TMEM45A: variants seen among roughly 807,000 people sequenced by gnomAD.
TMEM45A encodes the protein transmembrane protein 45A.
In TMEM45A, 25 loss-of-function variants were observed where a neutral mutation model predicts 32.0. That is an observed-to-expected ratio of 0.78 (90% CI 0.57 to 1.09). The LOEUF (loss-of-function observed/expected upper bound fraction) is 1.09, where lower values mean the gene tolerates loss of function less well. TMEM45A is among the 50% of genes least tolerant of loss of function. The pLI is 0.00. For synonymous variants in TMEM45A, 122 were observed against 114.8 expected (o/e 1.06, Z -0.40); for missense variants, 302 against 325.0 (o/e 0.93, Z 0.54).
chr3:100,502,977 T>TCTC (rs1708026460), intron 1 of TMEM45A, among the ~76,000 whole-genome samples: 1 of 151,012 alleles, frequency 6.6e-6, no homozygotes, highest in Non-Finnish European at 1.5e-5. Flanking sequence ...TCCTTCTCCT[T>TCTC]CTCCTCTTCC....
intron 1 of TMEM45A, among the ~76,000 whole-genome samples, chr3:100,552,518 A>G (rs576529935): frequency 5.3e-5 from 8 of 152,312 alleles, no homozygotes; most frequent in Middle Eastern, 3.4e-3. Context: ...TTTTTTAAGG[A>G]AAGAGCCAAA....
chr3:100,524,218 G>C (rs1197927019), intron 1 of TMEM45A, among the ~76,000 whole-genome samples: 2 of 152,192 alleles, frequency 1.3e-5, no homozygotes, highest in African/African-American at 4.8e-5. Context: ...TCTCTATCCT[G>C]CTTCTTTCAT....
chr3:100,553,718 A>C (rs890808302), intron 1 of TMEM45A, among the ~76,000 whole-genome samples: 3 of 152,198 alleles, frequency 2.0e-5, no homozygotes, highest in African/African-American at 7.2e-5. Context: ...CAAGGCTTAG[A>C]AAGGTTAAGA....
rs1249591437 is a variant in TMEM45A at position 100,513,641 on chromosome 3, G to A, written c.-4+20713G>A. ...TTCTGGCCAGGGCAATTAGGCAGGA[G>A]AAGGAAATAAAGGGTATTCAATTAG... On this transcript the variant is annotated intron_variant, in intron 1 of 5. Transcript: ENST00000323523. Among the ~76,000 whole-genome samples the A allele has an allele frequency of 1.3e-4, 19 of 150,876 alleles. No individual in the cohort carries two copies. The South Asian group carries it at 4.0e-3, about 31-fold the overall frequency.
chr3:100,514,404 G>A (rs1348651001), intron 1 of TMEM45A, among the ~76,000 whole-genome samples: 1 of 152,090 alleles, frequency 6.6e-6, no homozygotes, highest in Non-Finnish European at 1.5e-5. Context: ...ATATGGTGCT[G>A]GGAAAACTGG....
chr3:100,536,740 T>A (rs965256476), intron 1 of TMEM45A, among the ~76,000 whole-genome samples: 2 of 152,152 alleles, frequency 1.3e-5, no homozygotes, highest in South Asian at 2.1e-4. Flanking sequence ...TTAAAAATGG[T>A]CTCCTTTCTC....
intron 1 of TMEM45A, among the ~76,000 whole-genome samples, chr3:100,511,268 G>A (rs927851550): frequency 4.6e-5 from 7 of 152,194 alleles, no homozygotes; most frequent in South Asian, 2.1e-4. Flanking sequence ...GACTAACAGC[G>A]GATGTCTCGG....
intron 3 of TMEM45A, 23 bp from the exon 4 acceptor site, chr3:100,558,382 A>G (rs1706264267): frequency 6.2e-7 from 1 of 1,611,908 alleles, no homozygotes; most frequent in South Asian, 1.1e-5. Context: ...ACTGAAAAAG[A>G]CAATCTGTTT....
intron 5 of TMEM45A, chr3:100,571,795 T>G (rs1332497554): frequency 1.3e-5 from 2 of 152,138 alleles, no homozygotes; most frequent in Admixed American, 6.5e-5. Context: ...TTCCCCTTCT[T>G]GTGTCCATGT....
intron 1 of TMEM45A, among the ~76,000 whole-genome samples, chr3:100,505,740 A>T (rs1443770327): frequency 6.6e-6 from 1 of 152,234 alleles, no homozygotes; most frequent in African/African-American, 2.4e-5. Flanking sequence ...TACATGAAAT[A>T]ATGATTTTTG....
At chr3:100,556,380 C>A (rs1463640308) in intron 2 of TMEM45A, among the ~76,000 whole-genome samples, 2 of 152,184 alleles carry the variant, frequency 1.3e-5, no homozygotes, top group Non-Finnish European at 2.9e-5. Flanking sequence ...GGCAGCTACC[C>A]AAAGATGTAG....
chr3:100,548,783 T>G (rs1396079861), intron 1 of TMEM45A, among the ~76,000 whole-genome samples: 1 of 152,192 alleles, frequency 6.6e-6, no homozygotes, highest in African/African-American at 2.4e-5. Context: ...GCGCCTGAAG[T>G]GTCCCTGTAC....
chr3:100,547,997 A>G (rs1450260158), intron 1 of TMEM45A, among the ~76,000 whole-genome samples: 1 of 152,214 alleles, frequency 6.6e-6, no homozygotes, highest in African/African-American at 2.4e-5. Flanking sequence ...GGTTAAGAAT[A>G]GCTGATGTTC....
chr3:100,528,004 T>C (rs547515399), intron 1 of TMEM45A, among the ~76,000 whole-genome samples: 69 of 152,330 alleles, frequency 4.5e-4, no homozygotes, highest in Non-Finnish European at 9.0e-4. Flanking sequence ...AAATGCAGAA[T>C]GCTTAGTGAA....
intron 1 of TMEM45A, among the ~76,000 whole-genome samples, chr3:100,530,228 G>C (rs760417936): frequency 1.3e-5 from 2 of 152,182 alleles, no homozygotes; most frequent in Non-Finnish European, 2.9e-5. Flanking sequence ...GTTGTGTGTG[G>C]GATGTGGAGA....
intron 5 of TMEM45A, chr3:100,572,977 A>G (rs986848764): frequency 1.3e-5 from 2 of 151,944 alleles, no homozygotes; most frequent in Non-Finnish European, 3.0e-5. Context: ...TTTTGGTACC[A>G]GTACCATGCT....
Position 100,556,783 on chromosome 3 carries a change from C to T in TMEM45A, c.214C>T (p.Pro72Ser). 6.2e-7 allele frequency: 1 copy of T among 1,613,534 alleles called. No homozygotes were observed. The highest frequency in any genetic ancestry group is 1.7e-5 in the Admixed American group (1 of 59,894). ...LTGMAGEQFIPGGPHLMLYDY... is the reference protein window; with the variant it reads ...LTGMAGEQFISGGPHLMLYDY... ...AGGCATGGCTGGGGAGCAGTTTATTCCTGGAGGGCCCCATCTGATGTTATA... is the reference window on the plus strand; with the variant it reads ...AGGCATGGCTGGGGAGCAGTTTATTTCTGGAGGGCCCCATCTGATGTTATA... Residue 72 changes from proline to serine, a missense_variant, in exon 3 of 6, where the codon CCT (proline) becomes TCT (serine). Pro to Ser is a moderately conservative substitution (Grantham distance 74). Coordinates refer to ENST00000323523, the MANE Select transcript of TMEM45A (RefSeq NM_018004.3).
chr3:100,516,458 A>G (rs1006514011), intron 1 of TMEM45A, among the ~76,000 whole-genome samples: 2 of 152,072 alleles, frequency 1.3e-5, no homozygotes, highest in Non-Finnish European at 2.9e-5. Flanking sequence ...ATGGGAGTTG[A>G]TTTTTCTACA....
chr3:100,562,808 A>T (rs983938242), intron 4 of TMEM45A, among the ~76,000 whole-genome samples: 1 of 152,188 alleles, frequency 6.6e-6, no homozygotes, highest in African/African-American at 2.4e-5. Context: ...CTATAACTTG[A>T]CAATGCATGC....
Sources: allele counts gnomAD v4.1 joint callset (sites outside exome capture counted in the v4.1 genomes callset), GRCh38; gene constraint gnomAD v4.1.1; transcripts MANE v1.5; gene names NCBI Gene and HGNC (gene_info 2026-07-23, HGNC 2026-07-21).